NCKAP5: variants seen among roughly 807,000 people sequenced by gnomAD.
NCKAP5 encodes nck-associated protein 5.
A neutral mutation model predicts 167.0 loss-of-function variants in NCKAP5; 92 were observed. The ratio of observed to expected loss-of-function variants is 0.55; its 90% CI spans 0.47 to 0.66. The LOEUF (loss-of-function observed/expected upper bound fraction) is 0.66. Ranked by LOEUF, NCKAP5 falls within the 30% of genes least tolerant of loss-of-function variation. The pLI, the probability that NCKAP5 is intolerant of heterozygous loss-of-function variation, is 0.00. For synonymous variants in NCKAP5, 891 were observed against 877.4 expected, an observed-to-expected ratio of 1.02 and a Z score of -0.27; for missense variants, 2,378 against 2,315.0, an observed-to-expected ratio of 1.03 and a Z score of -0.56.
chr2:132,804,649 T>C (rs921437943), intron 11 of NCKAP5, among the ~76,000 whole-genome samples: 2 of 152,150 alleles, frequency 1.3e-5, no homozygotes. Flanking sequence ...TACCACTTAT[T>C]AGGAAGAAAT....
chr2:133,435,805 C>T (rs1690437485), intron 3 of NCKAP5, among the ~76,000 whole-genome samples: 1 of 152,146 alleles, frequency 6.6e-6, no homozygotes. Context: ...CTTTTTCTAT[C>T]TCCTTCATGG....
At chr2:133,546,291 GA>G (rs1489552822) in intron 2 of NCKAP5, among the ~76,000 whole-genome samples, 3 of 152,114 alleles carry the variant, frequency 2.0e-5, no homozygotes, top group Non-Finnish European at 4.4e-5. Flanking sequence ...AAAGAGTCAG[GA>G]AACTCATTAT....
Position 133,562,827 on chromosome 2 carries a change from C to T in NCKAP5, c.-129-3710G>A, listed in dbSNP as rs192709752. On this transcript the variant is annotated intron_variant, in intron 1 of 19. Transcript: ENST00000409261. ...ACCCTGTGTAATTGAGGCTTCCAAA[C>T]TGACACGATACACTTCATTAGGCAA... Among the ~76,000 whole-genome samples, 796 of 152,282 alleles carry T rather than the reference C, an allele frequency of 5.2e-3. 5 individuals are homozygous for T. The highest frequency in any genetic ancestry group is 0.024 in the Middle Eastern group (7 of 294).
At position 133,413,011 on chromosome 2, in the gene NCKAP5, T is replaced by C. The variant is rs938611199; in HGVS notation, c.69+104447A>G. 3.5e-4 allele frequency among the ~76,000 whole-genome samples: 54 copies of C among 152,194 alleles called. 1 individual carries two copies. ...GAAGAAAGCAAATATGAGAGTCCTG[T>C]GAGCCCAGAAGGCATATCATGGGCC... On this transcript the variant is annotated intron_variant, in intron 3 of 19. Coordinates refer to ENST00000409261, the MANE Select transcript of NCKAP5 (RefSeq NM_207363.3).
At chr2:133,160,476 A>G (rs2083752895) in intron 5 of NCKAP5, among the ~76,000 whole-genome samples, 1 of 144,188 alleles carries the variant, frequency 6.9e-6, no homozygotes, top group Non-Finnish European at 1.5e-5. Flanking sequence ...TTGATCAAAG[A>G]ACAATTCATG....
At chr2:132,746,690 A>G (rs1392987031) in intron 16 of NCKAP5, among the ~76,000 whole-genome samples, 2 of 152,166 alleles carry the variant, frequency 1.3e-5, no homozygotes, top group African/African-American at 4.8e-5. Flanking sequence ...AGCTTTACAC[A>G]TAATAGCCCC....
chr2:132,898,834 CT>C (rs987792852), intron 8 of NCKAP5, among the ~76,000 whole-genome samples: 12 of 152,198 alleles, frequency 7.9e-5, no homozygotes, highest in Admixed American at 2.0e-4. Context: ...GTCACCCAGA[CT>C]TGGTTGTACC....
intron 6 of NCKAP5, among the ~76,000 whole-genome samples, chr2:133,110,436 G>C (rs1286149258): frequency 6.6e-6 from 1 of 152,290 alleles, no homozygotes; most frequent in East Asian, 1.9e-4. Context: ...ATCACAGAAG[G>C]AATTTGTTAG....
intron 6 of NCKAP5, among the ~76,000 whole-genome samples, chr2:133,026,975 C>T (rs923279322): frequency 6.6e-6 from 1 of 152,166 alleles, no homozygotes. Context: ...CCCACCAGGG[C>T]AGTTCATTCC....
intron 17 of NCKAP5, among the ~76,000 whole-genome samples, chr2:132,730,608 C>A (rs972232040): frequency 6.6e-6 from 1 of 152,178 alleles, no homozygotes; most frequent in African/African-American, 2.4e-5. Flanking sequence ...TCAAGACTTG[C>A]GGTTTCTATT....
At chr2:133,638,857 C>CAAAAAAAAAAA in the NCKAP5 span, among the ~76,000 whole-genome samples, 63 of 84,090 alleles carry the variant, frequency 7.5e-4, 1 homozygote, top group Middle Eastern at 7.6e-3. Flanking sequence ...GACTCTATCT[C>CAAAAAAAAAAA]AAAAAAAAAA....
intron 3 of NCKAP5, among the ~76,000 whole-genome samples, chr2:133,423,967 C>T (rs1363896594): frequency 6.6e-6 from 1 of 152,124 alleles, no homozygotes; most frequent in Non-Finnish European, 1.5e-5. Context: ...TTCTCCAAAT[C>T]CAATTGAATA....
chr2:133,542,325 C>CTA (rs140630907), intron 2 of NCKAP5, among the ~76,000 whole-genome samples: 3,162 of 152,236 alleles, frequency 0.021, 116 homozygotes, highest in African/African-American at 0.073. Context: ...GAGGACTGCC[C>CTA]AGTATCTCAT....
At chr2:133,208,137 G>C (rs543094413) in intron 5 of NCKAP5, among the ~76,000 whole-genome samples, 1 of 152,070 alleles carries the variant, frequency 6.6e-6, no homozygotes, top group African/African-American at 2.4e-5. Context: ...CCAGAGGTTC[G>C]AGACCAGCCT....
At chr2:133,498,238 A>G (rs1219627069) in intron 3 of NCKAP5, among the ~76,000 whole-genome samples, 2 of 152,174 alleles carry the variant, frequency 1.3e-5, no homozygotes, top group South Asian at 2.1e-4. Context: ...TTCATCATTC[A>G]GAAGTTAGGG....
intron 19 of NCKAP5, among the ~76,000 whole-genome samples, chr2:132,719,361 G>A (rs1304731952): frequency 7.0e-6 from 1 of 142,142 alleles, no homozygotes; most frequent in Non-Finnish European, 1.5e-5. Context: ...AGGACAACTG[G>A]GACCTCTCCT....
At chr2:133,627,034 G>T in the NCKAP5 span, among the ~76,000 whole-genome samples, 1 of 151,852 alleles carries the variant, frequency 6.6e-6, no homozygotes, top group African/African-American at 2.4e-5. Context: ...TTCCTTGGTA[G>T]AAATTAATTT....
chr2:133,186,103 T>C (rs184977199), intron 5 of NCKAP5, among the ~76,000 whole-genome samples: 4 of 152,292 alleles, frequency 2.6e-5, no homozygotes, highest in Admixed American at 2.6e-4. Flanking sequence ...AGGTTTGTCA[T>C]AAATGGCTCT....
intron 11 of NCKAP5, among the ~76,000 whole-genome samples, chr2:132,837,850 G>A (rs1367750020): frequency 1.3e-5 from 2 of 152,184 alleles, no homozygotes; most frequent in East Asian, 3.9e-4. Context: ...GCCAGGAACT[G>A]GAGGCTGTTT....
Sources: allele counts gnomAD v4.1 joint callset (sites outside exome capture counted in the v4.1 genomes callset), GRCh38; gene constraint gnomAD v4.1.1; transcripts MANE v1.5; gene names NCBI Gene and HGNC (gene_info 2026-07-23, HGNC 2026-07-21).